ADGRA3: variants seen among roughly 807,000 people sequenced by gnomAD.
The protein encoded by ADGRA3 is adhesion G protein-coupled receptor A3, also known as G-protein coupled receptor 125.
A neutral mutation model predicts 119.8 loss-of-function variants in ADGRA3; 56 were observed. The ratio of observed to expected loss-of-function variants is 0.47; its 90% CI spans 0.38 to 0.58. ADGRA3 has a LOEUF of 0.58. Among genes scored for constraint, ADGRA3 ranks in the 20% least tolerant of loss-of-function variants. ADGRA3 has a pLI of 0.00. For synonymous variants in ADGRA3, 607 were observed against 623.8 expected, an observed-to-expected ratio of 0.97 and a Z score of 0.40; for missense variants, 1,516 against 1,649.0, an observed-to-expected ratio of 0.92 and a Z score of 1.40.
chr4:22,515,248 G>A, intron 1 of ADGRA3: 1 of 272,516 alleles, frequency 3.7e-6, no homozygotes, highest in Non-Finnish European at 6.9e-6. Flanking sequence ...GCACCGCGCA[G>A]CCCAAAAGCG....
intron 1 of ADGRA3, among the ~76,000 whole-genome samples, chr4:22,483,063 G>A (rs894692180): frequency 1.3e-5 from 2 of 152,192 alleles, no homozygotes; most frequent in Non-Finnish European, 2.9e-5. Flanking sequence ...GCTTTGCAAA[G>A]GGCTGGCCAA....
intron 10 of ADGRA3, among the ~76,000 whole-genome samples, chr4:22,426,922 C>G (rs1715963542): frequency 6.6e-6 from 1 of 152,116 alleles, no homozygotes; most frequent in African/African-American, 2.4e-5. Flanking sequence ...ACTAGAAGCC[C>G]TTACTTCTGG....
chr4:22,413,744 C>G lies in ADGRA3; in HGVS notation c.1880G>C (p.Arg627Thr). The change falls in exon 13 of 19, where the codon AGA becomes ACA. Residue 627 changes from arginine to threonine, a missense_variant. This residue lies in a region of ADGRA3 where 1,088 missense variants were observed against 1,107.1 expected (regional missense o/e 0.98). Coordinates refer to ENST00000334304, the MANE Select transcript of ADGRA3 (RefSeq NM_145290.4). ...LFSPKQKREL[R>T]PTDDSLYKLQ... ...CTTGTAAAGAGAGTCATCAGTTGGT[C>G]TGAGTTCTCTTTTTTGCTTTGGTGA... 3.1e-6 allele frequency: 5 copies of G among 1,613,816 alleles called. No homozygotes were observed. The highest frequency in any genetic ancestry group is 3.4e-6 in the Non-Finnish European group (4 of 1,179,882).
chr4:22,425,111 C>T (rs1715878564), intron 10 of ADGRA3, among the ~76,000 whole-genome samples: 1 of 151,460 alleles, frequency 6.6e-6, no homozygotes. Context: ...AGGCATACTA[C>T]CCACCTCTTT....
At chr4:22,498,869 A>G (rs1426979420) in intron 1 of ADGRA3, among the ~76,000 whole-genome samples, 1 of 152,066 alleles carries the variant, frequency 6.6e-6, no homozygotes, top group Non-Finnish European at 1.5e-5. Flanking sequence ...AGCAGAGATC[A>G]CACCACTGCG....
At chr4:22,486,886 C>T (rs893734513) in intron 1 of ADGRA3, among the ~76,000 whole-genome samples, 6 of 152,126 alleles carry the variant, frequency 3.9e-5, no homozygotes, top group Non-Finnish European at 7.4e-5. Flanking sequence ...CAATACAAGG[C>T]TTGTGTAAAT....
chr4:22,442,251 G>A (rs369546505), intron 7 of ADGRA3, among the ~76,000 whole-genome samples: 12 of 152,080 alleles, frequency 7.9e-5, no homozygotes, highest in African/African-American at 2.9e-4. Flanking sequence ...CTAGTAGGTG[G>A]AGAAGATAAG....
At chr4:22,455,900 T>G in intron 3 of ADGRA3, 1 of 970,630 alleles carries the variant, frequency 1.0e-6, no homozygotes, top group Non-Finnish European at 1.4e-6. Context: ...TTTTATTAGT[T>G]GCTAGACTTG....
At chr4:22,423,482 T>G (rs1330578541) in intron 11 of ADGRA3, among the ~76,000 whole-genome samples, 1 of 152,194 alleles carries the variant, frequency 6.6e-6, no homozygotes, top group Non-Finnish European at 1.5e-5. Flanking sequence ...GATCAAACTA[T>G]GATTGCTAAG....
intron 12 of ADGRA3, chr4:22,420,046 T>C (rs1265467390): frequency 6.6e-6 from 1 of 152,630 alleles, no homozygotes; most frequent in Admixed American, 6.5e-5. Flanking sequence ...AATTCGTTCA[T>C]TCATTCAATA....
chr4:22,482,713 A>G (rs1042504275), intron 1 of ADGRA3, among the ~76,000 whole-genome samples: 7 of 152,192 alleles, frequency 4.6e-5, no homozygotes, highest in Non-Finnish European at 1.0e-4. Context: ...ATTTTCTTCA[A>G]AACAATTACC....
chr4:22,438,518 T>G, intron 7 of ADGRA3, 98 bp from the exon 8 acceptor site: 1 of 912,862 alleles, frequency 1.1e-6, no homozygotes, highest in Non-Finnish European at 1.6e-6. Flanking sequence ...TATTTTTGAA[T>G]GCATATTGTG....
intron 2 of ADGRA3, among the ~76,000 whole-genome samples, chr4:22,471,995 C>T (rs1240993134): frequency 6.6e-6 from 1 of 152,142 alleles, no homozygotes; most frequent in Non-Finnish European, 1.5e-5. Context: ...CAGCACAGAA[C>T]ATTAGCTATG....
chr4:22,388,002 A>C lies in ADGRA3; in HGVS notation c.3669T>G (p.Ala1223=), dbSNP rs1338149291. Reference sequence around the variant, plus strand: ...ACTGTCTCTCTCTGTAGGCTAAATAAGCTCTTCGGCTCCTCGAGTGTCCTT... The same window carrying C: ...ACTGTCTCTCTCTGTAGGCTAAATACGCTCTTCGGCTCCTCGAGTGTCCTT... ...NNEGHSRSRR[A]YLAYRERQYN... The change falls in exon 19 of 19, where the codon GCT becomes GCG. Residue 1223 remains alanine (A), a synonymous_variant. Transcript: ENST00000334304. 1 of 1,613,990 alleles carries C rather than the reference A, an allele frequency of 6.2e-7. No homozygotes were observed. The highest frequency in any genetic ancestry group is 8.5e-7 in the Non-Finnish European group (1 of 1,180,018).
At chr4:22,413,413 A>G (rs759429410) in intron 13 of ADGRA3, 23 bp from the exon 14 acceptor site, 12 of 1,592,458 alleles carry the variant, frequency 7.5e-6, no homozygotes, top group Admixed American at 1.7e-5. Context: ...GGAAATAAAA[A>G]TATTTCTGAA....
intron 2 of ADGRA3, among the ~76,000 whole-genome samples, chr4:22,466,529 A>C (rs13101455): frequency 0.63 from 96,068 of 151,934 alleles, 30,603 homozygotes; most frequent in East Asian, 0.72. Flanking sequence ...GAGTTCGAGA[A>C]CAGCCTGGCC....
intron 10 of ADGRA3, among the ~76,000 whole-genome samples, chr4:22,431,113 A>G (rs1287626851): frequency 6.6e-6 from 1 of 152,138 alleles, no homozygotes; most frequent in African/African-American, 2.4e-5. Flanking sequence ...CTCATGGAGA[A>G]CCTCAGCTAG....
At chr4:22,433,108 A>C (rs1716253074) in intron 10 of ADGRA3, among the ~76,000 whole-genome samples, 1 of 152,156 alleles carries the variant, frequency 6.6e-6, no homozygotes, top group South Asian at 2.1e-4. Context: ...ATCACACGCA[A>C]TATTATCACA....
chr4:22,401,955 G>A (rs1380906741), intron 15 of ADGRA3, among the ~76,000 whole-genome samples: 1 of 151,886 alleles, frequency 6.6e-6, no homozygotes, highest in Non-Finnish European at 1.5e-5. Context: ...CACTGGCGCA[G>A]GTCTAAACAC....
Sources: allele counts gnomAD v4.1 joint callset (sites outside exome capture counted in the v4.1 genomes callset), GRCh38; gene constraint gnomAD v4.1.1; regional missense constraint gnomAD v4.1.1; transcripts MANE v1.5; gene names NCBI Gene and HGNC (gene_info 2026-07-23, HGNC 2026-07-21).